The following ALPK2 variants were observed in gnomAD, a reference collection of about 807,000 sequenced individuals.
ALPK2 encodes alpha-protein kinase 2.
ALPK2 carries 127 observed loss-of-function variants against 163.1 expected under a neutral mutation model. That is an observed-to-expected ratio of 0.78 (90% CI 0.67 to 0.90). ALPK2 has a LOEUF of 0.90. Among genes scored for constraint, ALPK2 ranks in the 40% least tolerant of loss-of-function variants. The pLI, the probability that ALPK2 is intolerant of heterozygous loss-of-function variation, is 0.00. For missense variants in ALPK2, 2,360 were observed against 2,589.6 expected (o/e 0.91, Z 1.92); for synonymous variants, 953 against 959.1 (o/e 0.99, Z 0.12).
At position 58,611,809 on chromosome 18, in the gene ALPK2, G is replaced by T; in HGVS notation, c.-12C>A. 6.7e-7 allele frequency: 1 copy of T among 1,498,124 alleles called. No individual in the cohort carries two copies. The highest frequency in any genetic ancestry group is 9.0e-7 in the Non-Finnish European group (1 of 1,105,142). The allele number at this position is 1,498,124 out of a possible 1,614,324, so 92.8% of individuals were successfully genotyped here. ...TCGGAGTCTTTCATCCTTTCATGCC[G>T]CACCAAATCTGAAAAAAAAAAAAAT... On this transcript the variant is annotated 5_prime_UTR_variant, in exon 2 of 13. Coordinates refer to ENST00000361673, the MANE Select transcript of ALPK2 (RefSeq NM_052947.4).
Position 58,579,571 on chromosome 18 carries a change from C to T in ALPK2, c.1205G>A (p.Gly402Asp), listed in dbSNP as rs201319953. Residue 402 changes from glycine to aspartate, a missense_variant, in exon 4 of 13, where the codon GGT becomes GAT. By Grantham distance (94) the Gly-to-Asp change is moderately conservative. Transcript: ENST00000361673. ...GPMVATAGFC[G>D]HHSQPQEVGV... ...AACTTCTTGGGGTTGTGAGTGATGA[C>T]CACAGAAGCCAGCAGTGGCAACCAT... 3.1e-6 allele frequency: 5 copies of T among 1,613,580 alleles called. No homozygotes were observed. The highest frequency in any genetic ancestry group is 2.2e-5 in the East Asian group (1 of 44,876).
intron 4 of ALPK2, among the ~76,000 whole-genome samples, chr18:58,572,446 T>C (rs1374196537): frequency 6.6e-6 from 1 of 152,176 alleles, no homozygotes; most frequent in East Asian, 1.9e-4. Flanking sequence ...AGTCTGTATA[T>C]AAATGTTTTA....
At chr18:58,578,102 T>G (rs150746431) in intron 4 of ALPK2, 39 of 152,354 alleles carry the variant, frequency 2.6e-4, no homozygotes, top group Non-Finnish European at 5.4e-4. Context: ...TCCTATAAAT[T>G]TAATTCCATC....
chr18:58,536,870 A>G lies in ALPK2; in HGVS notation c.3317T>C (p.Leu1106Pro), dbSNP rs753726517. Residue 1106 changes from leucine to proline, a missense_variant, in exon 5 of 13, where the codon CTG (leucine) becomes CCG (proline). Physicochemically the swap from Leu to Pro is moderately conservative, Grantham distance 98. Coordinates refer to ENST00000361673, the MANE Select transcript of ALPK2 (RefSeq NM_052947.4). Reference protein sequence around the residue: ...CSNSPLQVDNLSGDKSQTVDR... With the variant: ...CSNSPLQVDNPSGDKSQTVDR... The stretch of plus-strand genomic sequence containing the variant: ...CACAGTCTGGCTCTTATCTCCAGAC[A>G]GGTTATCAACCTGAAGAGGGGAATT... 6.2e-7 allele frequency: 1 copy of G among 1,614,190 alleles called. No individual in the cohort carries two copies. Among genetic ancestry groups the G allele is most frequent in the Admixed American group, 1.7e-5 (1 of 60,030 alleles).
intron 10 of ALPK2, among the ~76,000 whole-genome samples, chr18:58,504,899 G>A (rs1056831207): frequency 2.0e-5 from 3 of 152,130 alleles, no homozygotes; most frequent in African/African-American, 7.2e-5. Flanking sequence ...CAGGTCGAAG[G>A]CACCCCAAGG....
chr18:58,600,036 T>C (rs2144219948), intron 3 of ALPK2, among the ~76,000 whole-genome samples: 1 of 134,486 alleles, frequency 7.4e-6, no homozygotes, highest in East Asian at 2.2e-4. Flanking sequence ...TCTTTTTTTT[T>C]TTTTTTTTTT....
At chr18:58,588,580 C>T (rs903349799) in intron 3 of ALPK2, among the ~76,000 whole-genome samples, 2 of 152,128 alleles carry the variant, frequency 1.3e-5, no homozygotes, top group African/African-American at 2.4e-5. Context: ...ACACTGCTCC[C>T]CCTCAAACCC....
intron 3 of ALPK2, among the ~76,000 whole-genome samples, chr18:58,590,182 T>C (rs1602231287): frequency 7.1e-6 from 1 of 141,220 alleles, no homozygotes; most frequent in Admixed American, 7.5e-5. Context: ...ATTGCACCAC[T>C]GCACTCCAAC....
Sources: gnomAD v4.1 joint callset for allele counts (sites outside exome capture counted in the v4.1 genomes callset) on GRCh38, gnomAD v4.1.1 for gene constraint, MANE v1.5 for transcripts, NCBI Gene and HGNC (gene_info 2026-07-23, HGNC 2026-07-21) for gene names.